NTN1: variants seen among roughly 807,000 people sequenced by gnomAD.
NTN1 encodes netrin-1.
Under a neutral mutation model 54.2 loss-of-function variants are expected in NTN1, and 11 were observed. The observed-to-expected ratio is 0.20, with a 90% CI of 0.13 to 0.34. NTN1 has a LOEUF of 0.34. NTN1 is among the 10% of genes least tolerant of loss of function. NTN1 has a pLI of 1.00. For synonymous variants in NTN1, 371 were observed against 382.0 expected (o/e 0.97, Z 0.33); for missense variants, 740 against 893.1 (o/e 0.83, Z 2.18).
chr17:9,183,235 A>G, intron 5 of NTN1: 2 of 672,224 alleles, frequency 3.0e-6, no homozygotes, highest in African/African-American at 3.5e-5. Flanking sequence ...AGCTCCTTCT[A>G]CTTGTCCACC....
chr17:9,241,435 G>C lies in NTN1; in HGVS notation c.*1467G>C, dbSNP rs941325981. Reference sequence around the variant, plus strand: ...CTCCTCACACAGGGTCCATTCCTGTGCCCTGGGGCCTCCTGGCTCCCTGCC... The same window carrying C: ...CTCCTCACACAGGGTCCATTCCTGTCCCCTGGGGCCTCCTGGCTCCCTGCC... On this transcript the variant is annotated 3_prime_UTR_variant, in exon 7 of 7. Coordinates refer to ENST00000173229, the MANE Select transcript of NTN1 (RefSeq NM_004822.3). The C allele has an allele frequency of 6.5e-6, 1 of 153,130 alleles. No individual in the cohort carries two copies. Among genetic ancestry groups the C allele is most frequent in the Admixed American group, 6.5e-5 (1 of 15,294 alleles). The allele number at this position is 153,130 out of a possible 1,614,324, so 9.5% of individuals were successfully genotyped here. A position where few individuals can be genotyped will look rare whatever the true frequency, so the allele number is the denominator to read the frequency against.
chr17:9,007,881 G>C, the NTN1 span, among the ~76,000 whole-genome samples: 1 of 152,018 alleles, frequency 6.6e-6, no homozygotes, highest in African/African-American at 2.4e-5. Context: ...ACAGGTGCAA[G>C]CCACAATGCC....
chr17:9,133,223 G>A (rs1311873063), intron 2 of NTN1, among the ~76,000 whole-genome samples: 3 of 152,188 alleles, frequency 2.0e-5, no homozygotes, highest in Non-Finnish European at 4.4e-5. Context: ...TGCCACCACC[G>A]CCTTGGTCTG....
rs573047724 is a variant in NTN1, at chr17:9,234,668, G to A, written c.1487-4972G>A. ...AGAGCCCCCTGGGAAGAGCGTACCC[G>A]CTCACTTGCAGCAGTCAGCTCTGGG... On this transcript the variant is annotated intron_variant, in intron 6 of 6. Transcript: ENST00000173229. 3.9e-4 allele frequency among the ~76,000 whole-genome samples: 59 copies of A among 152,302 alleles called. 1 individual carries two copies. In the South Asian group the frequency reaches 0.01, roughly 26 times the overall value.
At chr17:9,088,191 C>T (rs566415422) in intron 2 of NTN1, among the ~76,000 whole-genome samples, 1 of 152,308 alleles carries the variant, frequency 6.6e-6, no homozygotes, top group Admixed American at 6.5e-5. Context: ...GACCAGCTCC[C>T]GACGGCCGTG....
intron 3 of NTN1, chr17:9,175,193 T>C (rs1203190526): frequency 3.3e-5 from 5 of 151,726 alleles, no homozygotes; most frequent in African/African-American, 1.2e-4. Flanking sequence ...CTTCAGAGAG[T>C]GTCAGAGGGA....
intron 2 of NTN1, among the ~76,000 whole-genome samples, chr17:9,144,675 G>A (rs1038852317): frequency 2.0e-5 from 3 of 152,216 alleles, no homozygotes; most frequent in East Asian, 1.9e-4. Flanking sequence ...GGCGCAGGCC[G>A]CATAGGTGGA....
At position 9,243,802 on chromosome 17, in the gene NTN1, T is replaced by G. The variant is rs1423251753; in HGVS notation, c.*3834T>G. 3 of 150,984 alleles carry G rather than the reference T, an allele frequency of 2.0e-5. No individual in the cohort carries two copies. In the East Asian group the frequency reaches 5.9e-4, roughly 30 times the overall value. The allele number at this position is 150,984 out of a possible 1,614,324, so 9.4% of individuals were successfully genotyped here. A position where few individuals can be genotyped will look rare whatever the true frequency, so the allele number is the denominator to read the frequency against. On this transcript the variant is annotated 3_prime_UTR_variant, in exon 7 of 7. Transcript: ENST00000173229. ...TGTTTGGGTCAATGTCCCTTTCCAA[T>G]GCATACTAATATATTATGGTTATTA...
rs773639740 is a variant in NTN1, at chr17:9,242,049, T to C, written c.*2081T>C. ...GGGGTAGGGCATGGGGACAATCACA[T>C]CTTCAGAGGAGGCAGCAAAGTGGTG... On this transcript the variant is annotated 3_prime_UTR_variant, in exon 7 of 7. Coordinates refer to ENST00000173229, the MANE Select transcript of NTN1 (RefSeq NM_004822.3). 1 of 152,420 alleles carries C rather than the reference T, an allele frequency of 6.6e-6. No homozygotes were observed. Among genetic ancestry groups the C allele is most frequent in the Non-Finnish European group, 1.5e-5 (1 of 68,242 alleles). The allele number at this position is 152,420 out of a possible 1,614,324, so 9.4% of individuals were successfully genotyped here.
intron 2 of NTN1, among the ~76,000 whole-genome samples, chr17:9,045,534 A>G (rs1355701195): frequency 1.3e-5 from 2 of 152,212 alleles, no homozygotes; most frequent in Non-Finnish European, 2.9e-5. Flanking sequence ...TGATTAATTC[A>G]TGGAAGAAAG....
intron 2 of NTN1, among the ~76,000 whole-genome samples, chr17:9,096,853 C>T (rs541114914): frequency 5.5e-4 from 84 of 152,290 alleles, no homozygotes; most frequent in African/African-American, 1.8e-3. Flanking sequence ...TCACATTTCT[C>T]TGCTTAAGGA....
At position 9,193,092 on chromosome 17, in the gene NTN1, AAAAG is replaced by A. The variant is rs1333081884; in HGVS notation, c.1411+10127_1411+10130del. On this transcript the variant is annotated intron_variant, in intron 5 of 6. Coordinates refer to ENST00000173229, the MANE Select transcript of NTN1 (RefSeq NM_004822.3). The stretch of plus-strand genomic sequence containing the variant: ...GAGACTCTGTCTCAAAAAAAAAAAA[AAAAG>A]AAAAAGAAAAAAAAGCCGTTTCCTC... Among the ~76,000 whole-genome samples, 14 of 138,742 alleles carry A rather than the reference AAAAG, an allele frequency of 1.0e-4. 1 individual carries two copies. Among genetic ancestry groups the A allele is most frequent in the East Asian group, 4.3e-4 (2 of 4,678 alleles). The allele number at this position is 138,742 out of a possible 152,430, so 91.0% of individuals were successfully genotyped here. A position where few individuals can be genotyped will look rare whatever the true frequency, so the allele number is the denominator to read the frequency against.
chr17:9,014,868 C>T, the NTN1 span, among the ~76,000 whole-genome samples: 2 of 152,186 alleles, frequency 1.3e-5, no homozygotes, highest in Admixed American at 6.5e-5. Flanking sequence ...CCATCTTACC[C>T]ACAGGTTCTG....
At chr17:9,072,378 A>G (rs2092034962) in intron 2 of NTN1, among the ~76,000 whole-genome samples, 2 of 151,774 alleles carry the variant, frequency 1.3e-5, no homozygotes, top group Non-Finnish European at 1.5e-5. Flanking sequence ...GTGGGCTTGA[A>G]TTCTTATTTT....
In NTN1 at chr17:9,239,497, C is replaced by T. The variant is rs952145108; in HGVS notation, c.1487-143C>T. 3 of 728,310 alleles carry T rather than the reference C, an allele frequency of 4.1e-6. No individual in the cohort carries two copies. The South Asian group carries it at 5.6e-5, about 14-fold the overall frequency. The allele number at this position is 728,310 out of a possible 1,614,324, so 45.1% of individuals were successfully genotyped here. ...AGGTGGGGGTCTACGATCAGCTTGC[C>T]ACCACCCACGCGCTCCTGTATGGGC... On this transcript the variant is annotated intron_variant, in intron 6 of 6. Coordinates refer to ENST00000173229, the MANE Select transcript of NTN1 (RefSeq NM_004822.3). The surrounding 1 kb of genome is among the most constrained non-coding windows in gnomAD (Gnocchi z 5.2).
chr17:9,011,256 A>G, the NTN1 span, among the ~76,000 whole-genome samples: 1 of 152,100 alleles, frequency 6.6e-6, no homozygotes, highest in African/African-American at 2.4e-5. Flanking sequence ...GCCACAGACT[A>G]GTGGTAGTTC....
intron 2 of NTN1, among the ~76,000 whole-genome samples, chr17:9,126,173 C>T (rs1236962135): frequency 6.6e-6 from 1 of 152,180 alleles, no homozygotes; most frequent in Admixed American, 6.5e-5. Flanking sequence ...CAGTGGGTGA[C>T]CCAGACCTAC....
chr17:9,112,895 C>T (rs1047659772), intron 2 of NTN1, among the ~76,000 whole-genome samples: 4 of 151,628 alleles, frequency 2.6e-5, no homozygotes, highest in African/African-American at 9.7e-5. Flanking sequence ...TCCCCAAGCT[C>T]AAGAAGACTG....
intron 2 of NTN1, among the ~76,000 whole-genome samples, chr17:9,024,297 C>T (rs750320504): frequency 6.6e-6 from 1 of 152,102 alleles, no homozygotes; most frequent in Non-Finnish European, 1.5e-5. Flanking sequence ...TCAGTTTCTC[C>T]CCATAAAAAG....
Sources: allele counts gnomAD v4.1 joint callset (sites outside exome capture counted in the v4.1 genomes callset), GRCh38; gene constraint gnomAD v4.1.1; non-coding constraint Gnocchi (gnomAD v3.1); transcripts MANE v1.5; gene names NCBI Gene and HGNC (gene_info 2026-07-23, HGNC 2026-07-21).